Variants in PEG3 observed in about 807,000 individuals in gnomAD.
The protein encoded by PEG3 is paternally expressed 3, also known as paternally-expressed gene 3 protein.
Under a neutral mutation model 35.5 loss-of-function variants are expected in PEG3, and 23 were observed. The ratio of observed to expected loss-of-function variants is 0.65; its 90% CI spans 0.47 to 0.92. The LOEUF (loss-of-function observed/expected upper bound fraction) is 0.92. Among genes scored for constraint, PEG3 ranks in the 40% least tolerant of loss-of-function variants. PEG3 has a pLI of 0.00. For synonymous variants in PEG3, 707 were observed against 697.0 expected, an observed-to-expected ratio of 1.01 and a Z score of -0.23; for missense variants, 1,960 against 1,985.3, an observed-to-expected ratio of 0.99 and a Z score of 0.24.
rs765853113 is a variant in PEG3, at chr19:56,817,737, C to T, written c.862+9G>A. 21 of 1,612,454 alleles carry T rather than the reference C, an allele frequency of 1.3e-5. No individual in the cohort carries two copies. The highest frequency in any genetic ancestry group is 1.7e-5 in the Non-Finnish European group (20 of 1,178,500). On this transcript the variant is annotated intron_variant, in intron 9 of 9. Transcript: ENST00000326441. Reference sequence around the variant, plus strand: ...TGTGGCTCCTCTGTGGGATGTGCCTCCTGCTTACCTCGACTGGTGCTTGGG... The same window carrying T: ...TGTGGCTCCTCTGTGGGATGTGCCTTCTGCTTACCTCGACTGGTGCTTGGG...
chr19:56,833,013 G>T (rs970825958), intron 2 of PEG3: 2 of 355,472 alleles, frequency 5.6e-6, no homozygotes, highest in African/African-American at 2.1e-5. Context: ...ATCCTTGCCA[G>T]AAGTCAGGGA....
chr19:56,814,597 A>G lies in PEG3; in HGVS notation c.3845T>C (p.Phe1282Ser), dbSNP rs775781773. 1 of 1,614,112 alleles carries G rather than the reference A, an allele frequency of 6.2e-7. No individual in the cohort carries two copies. The highest frequency in any genetic ancestry group is 8.5e-7 in the Non-Finnish European group (1 of 1,179,990). ...AGATTCTCCACAGACTGCACATTCA[A>G]AGAGTCTCTCTTCGGTCTGACTTCT... Reference protein sequence around the residue: ...FQRSQTEERLFECAVCGESFV... With the variant: ...FQRSQTEERLSECAVCGESFV... Residue 1282 changes from phenylalanine to serine, a missense_variant, in exon 10 of 10, where the codon TTT becomes TCT. Physicochemically the swap from Phe to Ser is radical, Grantham distance 155 (BLOSUM62 -2). Around this residue, in one of 5 missense-constraint regions of PEG3, gnomAD observed 416 missense variants for 416.7 expected, o/e 1.00. Transcript: ENST00000326441. This position sits in a 1 kb window ranked among gnomAD's most constrained non-coding sequence, Gnocchi z 5.8.
At chr19:56,828,474 C>A (rs1338129356) in intron 2 of PEG3, among the ~76,000 whole-genome samples, 1 of 152,182 alleles carries the variant, frequency 6.6e-6, no homozygotes, top group Non-Finnish European at 1.5e-5. Flanking sequence ...AGTGTGTTCA[C>A]AGAAGCACTG....
rs1389655072 is a variant in PEG3, at chr19:56,814,205, C to A, written c.4237G>T (p.Val1413Leu). Residue 1413 changes from valine (V) to leucine (L), a missense_variant, in exon 10 of 10, where the codon GTG becomes TTG. Val to Leu is a conservative substitution (Grantham distance 32). Transcript: ENST00000326441. This position sits in a 1 kb window ranked among gnomAD's most constrained non-coding sequence, Gnocchi z 5.8. The stretch of plus-strand genomic sequence containing the variant: ...TCTCCGTTTGGCTCAGCAGCCTCCA[C>A]TTCTGGCTCAGCAGCCTCCACTTCT... ...EPEVEAAEPEVEAAEPNGEAE... is the reference protein window; with the variant it reads ...EPEVEAAEPELEAAEPNGEAE... The A allele has an allele frequency of 6.2e-7, 1 of 1,611,528 alleles. No homozygotes were observed. The highest frequency in any genetic ancestry group is 1.3e-5 in the African/African-American group (1 of 75,002).
chr19:56,836,305 T>A (rs552173452), intron 1 of PEG3, among the ~76,000 whole-genome samples: 1 of 152,156 alleles, frequency 6.6e-6, no homozygotes, highest in Non-Finnish European at 1.5e-5. Context: ...GATGTACTCA[T>A]AGACTTTCTC....
chr19:56,821,122 G>A (rs150581435), intron 7 of PEG3, among the ~76,000 whole-genome samples: 58 of 152,346 alleles, frequency 3.8e-4, no homozygotes, highest in African/African-American at 1.4e-3. Context: ...TTATGTATGT[G>A]TGTGAGTGAC....
rs760648993 is a variant in PEG3 at position 56,824,425 on chromosome 19, C to T, written c.231G>A (p.Pro77=). The T allele has an allele frequency of 3.2e-5, 52 of 1,613,992 alleles. No homozygotes were observed. The East Asian group carries it at 5.6e-4, about 17-fold the overall frequency. ...TGATCTCCTCCTTGGTGCGGGTCTCCGGCTGCAACCAATCGAGGCAGAGGT... is the reference window on the plus strand; with the variant it reads ...TGATCTCCTCCTTGGTGCGGGTCTCTGGCTGCAACCAATCGAGGCAGAGGT... ...LRNLCLDWLQ[P]ETRTKEEIIE... is the part of the protein sequence containing the mutation. The change falls in exon 4 of 10, where the codon CCG becomes CCA. Residue 77 remains proline, a synonymous_variant. Transcript: ENST00000326441.
chr19:56,813,777 A>G lies in PEG3; in HGVS notation c.4665T>C (p.Gly1555=). ...YIERASTSTG[G]ANQADEKYFK... is the part of the protein sequence containing the mutation. ...AGTACTTCTCATCAGCTTGATTGGC[A>G]CCACCTGTGCTGGTGCTGGCACGTT... Residue 1555 remains glycine, a synonymous_variant, in exon 10 of 10, where the codon GGT becomes GGC. Coordinates refer to ENST00000326441, the MANE Select transcript of PEG3 (RefSeq NM_006210.3). 1 of 1,613,984 alleles carries G rather than the reference A, an allele frequency of 6.2e-7. No homozygotes were observed. Among genetic ancestry groups the G allele is most frequent in the Non-Finnish European group, 8.5e-7 (1 of 1,180,012 alleles).
At position 56,812,816 on chromosome 19, in the gene PEG3, G is replaced by GT. The variant is rs1386376225; in HGVS notation, c.*858dup. ...CTATCATCAAACACATATTGAGTTG[G>GT]TTAAAAAAAAAAAAAACCCAGAACA... On this transcript the variant is annotated 3_prime_UTR_variant, in exon 10 of 10. Coordinates refer to ENST00000326441, the MANE Select transcript of PEG3 (RefSeq NM_006210.3). The GT allele has an allele frequency of 9.1e-6, 6 of 662,594 alleles. No individual in the cohort carries two copies. The highest frequency in any genetic ancestry group is 1.0e-5 in the Non-Finnish European group (6 of 577,868). 41.0% of individuals were successfully genotyped at this position (662,594 alleles called of 1,614,324 possible).
At chr19:56,837,003 A>AT (rs2062204005) in intron 1 of PEG3, among the ~76,000 whole-genome samples, 1 of 148,688 alleles carries the variant, frequency 6.7e-6, no homozygotes, top group East Asian at 2.0e-4. Flanking sequence ...AAAAAAAAAA[A>AT]TTATGACAGG....
intron 8 of PEG3, 114 bp from the exon 9 acceptor site, chr19:56,817,949 C>A: frequency 1.3e-6 from 1 of 765,780 alleles, no homozygotes; most frequent in Non-Finnish European, 2.2e-6. Flanking sequence ...TGGCCCACAT[C>A]TGATTCCTTG....
chr19:56,812,201 G>A lies in PEG3; in HGVS notation c.*1474C>T. The stretch of plus-strand genomic sequence containing the variant: ...TTCTTAATATAGTTATTATGCGAGG[G>A]GAGGGGAAGCAAAGGAGCACAGGTA... On this transcript the variant is annotated 3_prime_UTR_variant, in exon 10 of 10. Coordinates refer to ENST00000326441, the MANE Select transcript of PEG3 (RefSeq NM_006210.3). 1 of 981,666 alleles carries A rather than the reference G, an allele frequency of 1.0e-6. No individual in the cohort carries two copies. Among genetic ancestry groups the A allele is most frequent in the Non-Finnish European group, 1.2e-6 (1 of 826,788 alleles). 60.8% of individuals were successfully genotyped at this position (981,666 alleles called of 1,614,324 possible).
intron 9 of PEG3, 75 bp downstream of exon 9, chr19:56,817,671 A>G (rs1199126554): frequency 1.5e-4 from 237 of 1,537,388 alleles, no homozygotes; most frequent in Non-Finnish European, 2.1e-4. Context: ...ATGTTTAGGA[A>G]TGCAAAGTGT....
chr19:56,838,449 G>C (rs2062467245), intron 1 of PEG3, among the ~76,000 whole-genome samples: 1 of 152,146 alleles, frequency 6.6e-6, no homozygotes, highest in African/African-American at 2.4e-5. Context: ...CCGAGGAACG[G>C]TCCCGGGCCC....
chr19:56,826,075 C>T (rs1460258985), intron 3 of PEG3, among the ~76,000 whole-genome samples: 1 of 152,204 alleles, frequency 6.6e-6, no homozygotes, highest in Non-Finnish European at 1.5e-5. Context: ...TTCCTTGCTG[C>T]CTTCCTTCAT....
At chr19:56,838,951 TGCCACCTGCA>T (rs2062578706) in intron 1 of PEG3, among the ~76,000 whole-genome samples, 2 of 149,528 alleles carry the variant, frequency 1.3e-5, no homozygotes, top group Admixed American at 6.6e-5. Flanking sequence ...GTCCCGCCCA[TGCCACCTGCA>T]GCCACTTCAG....
At chr19:56,830,601 G>A (rs1282930091) in intron 2 of PEG3, among the ~76,000 whole-genome samples, 1 of 152,048 alleles carries the variant, frequency 6.6e-6, no homozygotes, top group Non-Finnish European at 1.5e-5. Flanking sequence ...TGCAACTGAA[G>A]AAAAAGAAAA....
intron 5 of PEG3, 32 bp from the exon 6 acceptor site, chr19:56,822,868 A>AAG (rs767911458): frequency 1.2e-6 from 2 of 1,602,774 alleles, no homozygotes; most frequent in Middle Eastern, 3.3e-4. Flanking sequence ...GTGGTTAACA[A>AAG]AGCTCTTTGA....
chr19:56,814,466 T>C lies in PEG3; in HGVS notation c.3976A>G (p.Lys1326Glu), dbSNP rs761499751. 6.2e-7 allele frequency: 1 copy of C among 1,613,200 alleles called. No individual in the cohort carries two copies. The change falls in exon 10 of 10, where the codon AAA becomes GAA. Residue 1326 changes from lysine (K) to glutamate (E), a missense_variant. Coordinates refer to ENST00000326441, the MANE Select transcript of PEG3 (RefSeq NM_006210.3). This position sits in a 1 kb window ranked among gnomAD's most constrained non-coding sequence, Gnocchi z 5.8. Reference protein sequence around the residue: ...THTSFLTEPLKGAIPFYECKD... With the variant: ...THTSFLTEPLEGAIPFYECKD... ...CATTCATAGAATGGTATAGCTCCTTTGAGGGGCTCAGTAAGAAATGAGGTG... is the reference window on the plus strand; with the variant it reads ...CATTCATAGAATGGTATAGCTCCTTCGAGGGGCTCAGTAAGAAATGAGGTG...
Sources: gnomAD v4.1 joint callset for allele counts (sites outside exome capture counted in the v4.1 genomes callset) on GRCh38, gnomAD v4.1.1 for gene constraint, gnomAD v4.1.1 regional missense constraint, Gnocchi (gnomAD v3.1) non-coding constraint, MANE v1.5 for transcripts, NCBI Gene and HGNC (gene_info 2026-07-23, HGNC 2026-07-21) for gene names.